ADGRL2: variants seen among roughly 807,000 people sequenced by gnomAD.
The protein encoded by ADGRL2 is calcium-independent alpha-latrotoxin receptor 2.
In ADGRL2, 44 loss-of-function variants were observed where a neutral mutation model predicts 157.4. The observed-to-expected ratio is 0.28, with a 90% CI of 0.22 to 0.36. The LOEUF (loss-of-function observed/expected upper bound fraction) is 0.36. Among genes scored for constraint, ADGRL2 ranks in the 10% least tolerant of loss-of-function variants. The pLI is 1.00. For missense variants in ADGRL2, 1,510 were observed against 1,768.9 expected (o/e 0.85, Z 2.63); for synonymous variants, 585 against 624.7 (o/e 0.94, Z 0.95).
intron 1 of ADGRL2, among the ~76,000 whole-genome samples, chr1:81,803,286 G>T (rs531940844): frequency 6.6e-6 from 1 of 152,086 alleles, no homozygotes; most frequent in African/African-American, 2.4e-5. Flanking sequence ...CCATGGAAGC[G>T]CCCCAGCAGT....
At chr1:81,487,106 A>AAAAAG (rs1557727624) in intron 2 of ADGRL2, among the ~76,000 whole-genome samples, 1 of 144,068 alleles carries the variant, frequency 6.9e-6, no homozygotes, top group Non-Finnish European at 1.5e-5. Context: ...AAAAAAAAAA[A>AAAAAG]AAAGAAAGTA....
chr1:81,821,719 A>G (rs1328626111), intron 1 of ADGRL2, among the ~76,000 whole-genome samples: 1 of 152,156 alleles, frequency 6.6e-6, no homozygotes, highest in Non-Finnish European at 1.5e-5. Flanking sequence ...ATTTAATTTG[A>G]GGAGTATTAC....
intron 3 of ADGRL2, chr1:81,586,445 C>A (rs1221572660): frequency 6.6e-6 from 1 of 151,912 alleles, no homozygotes; most frequent in Non-Finnish European, 1.5e-5. Flanking sequence ...CCACATTAAC[C>A]ATTGTGTTTG....
At chr1:81,980,028 C>A in intron 18 of ADGRL2, 68 bp downstream of exon 18, 1 of 860,340 alleles carries the variant, frequency 1.2e-6, no homozygotes, top group South Asian at 1.5e-5. Flanking sequence ...ACAGGGAACA[C>A]AGGGATTTCT....
intron 16 of ADGRL2, among the ~76,000 whole-genome samples, chr1:81,971,422 T>G (rs796074521): frequency 4.6e-5 from 7 of 152,278 alleles, no homozygotes; most frequent in East Asian, 1.9e-4. Flanking sequence ...GAACAGTTTT[T>G]GGGGGTTCTG....
At chr1:81,499,407 T>C (rs2078796630) in intron 2 of ADGRL2, among the ~76,000 whole-genome samples, 1 of 152,260 alleles carries the variant, frequency 6.6e-6, no homozygotes. Context: ...CCATGTAAGT[T>C]ATTGGCCTGA....
Position 81,992,734 on chromosome 1 carries a change from A to C in ADGRL2, c.*1589A>C, listed in dbSNP as rs1005339534. On this transcript the variant is annotated 3_prime_UTR_variant, in exon 24 of 24. Transcript: ENST00000686636. Reference sequence around the variant, plus strand: ...AATTTGGGTATCATAAAAAGTTTTTAACTGATTTTTCAGCAGTATTGGGAA... The same window carrying C: ...AATTTGGGTATCATAAAAAGTTTTTCACTGATTTTTCAGCAGTATTGGGAA... Among the ~76,000 whole-genome samples, 1 of 152,032 alleles carries C rather than the reference A, an allele frequency of 6.6e-6. No homozygotes were observed. Among genetic ancestry groups the C allele is most frequent in the Non-Finnish European group, 1.5e-5 (1 of 68,002 alleles).
intron 3 of ADGRL2, among the ~76,000 whole-genome samples, chr1:81,597,172 T>C (rs1032095076): frequency 3.3e-5 from 5 of 152,130 alleles, no homozygotes; most frequent in Non-Finnish European, 5.9e-5. Context: ...ACATCTGTCA[T>C]TTGGGGGAGA....
At chr1:81,956,631 G>A (rs1653592918) in intron 11 of ADGRL2, among the ~76,000 whole-genome samples, 1 of 152,090 alleles carries the variant, frequency 6.6e-6, no homozygotes, top group African/African-American at 2.4e-5. Context: ...CCACTGAGAG[G>A]TAGGAATTCA....
intron 1 of ADGRL2, among the ~76,000 whole-genome samples, chr1:81,808,325 C>G (rs1571337713): frequency 6.6e-6 from 1 of 151,998 alleles, no homozygotes; most frequent in African/African-American, 2.4e-5. Context: ...TTTGTAGGAA[C>G]TCGCCAGCAG....
intron 1 of ADGRL2, among the ~76,000 whole-genome samples, chr1:81,822,091 T>A (rs114340480): frequency 0.017 from 2,591 of 150,204 alleles, 72 homozygotes; most frequent in African/African-American, 0.06. Flanking sequence ...GTATTAGTTT[T>A]TCGTATAGAG....
chr1:81,512,044 A>G (rs1338417219), intron 2 of ADGRL2, among the ~76,000 whole-genome samples: 1 of 152,150 alleles, frequency 6.6e-6, no homozygotes, highest in Non-Finnish European at 1.5e-5. Context: ...CTTTTACCTC[A>G]TCGTGCTAAA....
chr1:81,910,028 T>C (rs2094678582), intron 3 of ADGRL2, among the ~76,000 whole-genome samples: 1 of 151,962 alleles, frequency 6.6e-6, no homozygotes, highest in Admixed American at 6.6e-5. Context: ...TCACCTGAGT[T>C]CAGGAGTTCA....
intron 1 of ADGRL2, among the ~76,000 whole-genome samples, chr1:81,826,325 T>G (rs2091478528): frequency 6.6e-6 from 1 of 152,220 alleles, no homozygotes; most frequent in African/African-American, 2.4e-5. Context: ...AGTATATTGG[T>G]CTAGAAGGTT....
intron 2 of ADGRL2, among the ~76,000 whole-genome samples, chr1:81,568,812 A>G (rs1011854296): frequency 6.6e-6 from 1 of 152,130 alleles, no homozygotes; most frequent in South Asian, 2.1e-4. Context: ...ATTTTTTAAA[A>G]TTTGTGGCTA....
At chr1:81,959,921 C>T (rs1163570717) in intron 11 of ADGRL2, among the ~76,000 whole-genome samples, 3 of 151,934 alleles carry the variant, frequency 2.0e-5, no homozygotes, top group Non-Finnish European at 4.4e-5. Context: ...CTGCTTCAGC[C>T]TCCCGAGTAA....
chr1:81,580,240 T>C (rs2080879893), intron 2 of ADGRL2, among the ~76,000 whole-genome samples: 1 of 152,180 alleles, frequency 6.6e-6, no homozygotes, highest in South Asian at 2.1e-4. Context: ...CATTCACATC[T>C]GTGACCAAAG....
intron 1 of ADGRL2, among the ~76,000 whole-genome samples, chr1:81,736,731 G>C (rs1415315261): frequency 6.6e-6 from 1 of 152,168 alleles, no homozygotes; most frequent in Non-Finnish European, 1.5e-5. Flanking sequence ...TGGATAAGTA[G>C]ATGAGGAATG....
intron 3 of ADGRL2, among the ~76,000 whole-genome samples, chr1:81,662,252 CTT>C (rs368764970): frequency 3.1e-5 from 4 of 127,460 alleles, no homozygotes; most frequent in East Asian, 4.6e-4. Context: ...CTCATTCATT[CTT>C]TTTTTTTTTT....
Sources: allele counts gnomAD v4.1 joint callset (sites outside exome capture counted in the v4.1 genomes callset), GRCh38; gene constraint gnomAD v4.1.1; transcripts MANE v1.5; gene names NCBI Gene and HGNC (gene_info 2026-07-23, HGNC 2026-07-21).